Variants in PDE3A observed in about 807,000 individuals in gnomAD.
PDE3A encodes the protein cGMP-inhibited 3',5'-cyclic phosphodiesterase 3A.
Under a neutral mutation model 98.3 loss-of-function variants are expected in PDE3A, and 43 were observed. The observed-to-expected ratio is 0.44, with a 90% confidence interval of 0.34 to 0.56. PDE3A has a LOEUF of 0.56. PDE3A is among the 20% of genes least tolerant of loss of function. PDE3A has a pLI of 0.01. For synonymous variants in PDE3A, 663 were observed against 567.9 expected, an observed-to-expected ratio of 1.17 and a Z score of -2.38; for missense variants, 1,427 against 1,440.7, an observed-to-expected ratio of 0.99 and a Z score of 0.15.
chr12:20,386,731 T>C (rs1329236973), intron 1 of PDE3A, among the ~76,000 whole-genome samples: 1 of 152,030 alleles, frequency 6.6e-6, no homozygotes, highest in Non-Finnish European at 1.5e-5. Context: ...ATTCTATAGG[T>C]TGTTTGTTCA....
intron 1 of PDE3A, among the ~76,000 whole-genome samples, chr12:20,383,651 T>C (rs931929382): frequency 6.6e-6 from 1 of 152,018 alleles, no homozygotes; most frequent in Non-Finnish European, 1.5e-5. Context: ...AGTCTCAGTC[T>C]ACTCCTATTG....
At chr12:20,607,988 G>GA (rs1392213882) in intron 2 of PDE3A, among the ~76,000 whole-genome samples, 3 of 151,902 alleles carry the variant, frequency 2.0e-5, no homozygotes, top group Middle Eastern at 3.4e-3. Context: ...AATAGGCATG[G>GA]AAAAAACTTC....
At chr12:20,489,351 G>A (rs1565565596) in intron 1 of PDE3A, among the ~76,000 whole-genome samples, 1 of 152,214 alleles carries the variant, frequency 6.6e-6, no homozygotes, top group East Asian at 1.9e-4. Context: ...AGCCTGTCAG[G>A]CAGCCCCTGA....
At chr12:20,437,958 T>A (rs778547751) in intron 1 of PDE3A, among the ~76,000 whole-genome samples, 2 of 131,966 alleles carry the variant, frequency 1.5e-5, no homozygotes, top group Non-Finnish European at 3.4e-5. Context: ...CCTCTTTTTA[T>A]GTAAAGAAAA....
At chr12:20,617,475 T>G (rs1188247547) in intron 4 of PDE3A, among the ~76,000 whole-genome samples, 1 of 152,170 alleles carries the variant, frequency 6.6e-6, no homozygotes, top group Non-Finnish European at 1.5e-5. Context: ...GAAGAGATTA[T>G]GTAGTGTTTC....
chr12:20,415,401 C>T (rs368614994), intron 1 of PDE3A, among the ~76,000 whole-genome samples: 7 of 148,892 alleles, frequency 4.7e-5, no homozygotes, highest in Admixed American at 2.0e-4. Flanking sequence ...CTTTTATCTA[C>T]TTATTTATTT....
intron 2 of PDE3A, among the ~76,000 whole-genome samples, chr12:20,576,460 C>A (rs1033136498): frequency 2.6e-5 from 4 of 151,860 alleles, no homozygotes; most frequent in African/African-American, 9.7e-5. Flanking sequence ...TGTGAACATC[C>A]TGAAATAAAG....
chr12:20,488,120 C>T (rs1170519164), intron 1 of PDE3A, among the ~76,000 whole-genome samples: 1 of 152,054 alleles, frequency 6.6e-6, no homozygotes, highest in Non-Finnish European at 1.5e-5. Context: ...TCCTTGAGCT[C>T]TTTACTCTTG....
intron 1 of PDE3A, among the ~76,000 whole-genome samples, chr12:20,513,117 T>G (rs1047588705): frequency 6.6e-6 from 1 of 152,168 alleles, no homozygotes; most frequent in Non-Finnish European, 1.5e-5. Context: ...GAGCAGTGAT[T>G]CTCAGTCTTT....
intron 2 of PDE3A, among the ~76,000 whole-genome samples, chr12:20,609,034 T>A (rs1313260487): frequency 6.6e-6 from 1 of 152,028 alleles, no homozygotes; most frequent in Non-Finnish European, 1.5e-5. Flanking sequence ...AGAAGCATAA[T>A]GATTAGAGAT....
chr12:20,669,725 G>T (rs966493705), intron 15 of PDE3A, among the ~76,000 whole-genome samples: 4 of 152,062 alleles, frequency 2.6e-5, no homozygotes, highest in Non-Finnish European at 5.9e-5. Context: ...GGAACAACCA[G>T]TACCAGCTGC....
intron 1 of PDE3A, among the ~76,000 whole-genome samples, chr12:20,469,899 G>A (rs59843471): frequency 0.049 from 7,439 of 152,198 alleles, 214 homozygotes; most frequent in Middle Eastern, 0.065. Context: ...TCAGAATGAA[G>A]GCAGACAAAA....
At chr12:20,370,329 G>A (rs1943445121) in intron 1 of PDE3A, 85 bp downstream of exon 1, 1 of 1,151,012 alleles carries the variant, frequency 8.7e-7, no homozygotes, top group African/African-American at 1.5e-5. Flanking sequence ...CCGAGCGCTG[G>A]GAACTAAAGG....
At chr12:20,466,044 C>A (rs543695872) in intron 1 of PDE3A, among the ~76,000 whole-genome samples, 7 of 152,250 alleles carry the variant, frequency 4.6e-5, no homozygotes, top group African/African-American at 1.7e-4. Flanking sequence ...AACCTGACCC[C>A]CTGGCCCATT....
intron 1 of PDE3A, among the ~76,000 whole-genome samples, chr12:20,415,018 A>ATT (rs35087882): frequency 7.4e-4 from 111 of 149,968 alleles, no homozygotes; most frequent in Middle Eastern, 3.5e-3. Flanking sequence ...TTAATAGCAC[A>ATT]TTTTTTTTTT....
At chr12:20,658,162 T>C (rs1481533019) in intron 15 of PDE3A, among the ~76,000 whole-genome samples, 2 of 152,238 alleles carry the variant, frequency 1.3e-5, no homozygotes, top group East Asian at 3.8e-4. Context: ...TTATTGACTT[T>C]CATAGAAAGA....
At chr12:20,416,596 A>G (rs1944425535) in intron 1 of PDE3A, among the ~76,000 whole-genome samples, 1 of 152,216 alleles carries the variant, frequency 6.6e-6, no homozygotes, top group African/African-American at 2.4e-5. Context: ...CACACGTGCT[A>G]TATAAAACAT....
Position 20,369,368 on chromosome 12 carries a change from C to A in PDE3A, c.84C>A (p.Asp28Glu). The A allele has an allele frequency of 6.5e-7, 1 of 1,549,514 alleles. No homozygotes were observed. Among genetic ancestry groups the A allele is most frequent in the Non-Finnish European group, 8.7e-7 (1 of 1,147,028 alleles). ...GVSQAPTAGRDCHHRADPASP... is the reference protein window; with the variant it reads ...GVSQAPTAGRECHHRADPASP... Reference sequence around the variant, plus strand: ...GTCAAGCCCCCACGGCGGGCCGGGACTGCCACCATCGTGCGGACCCCGCAT... The same window carrying A: ...GTCAAGCCCCCACGGCGGGCCGGGAATGCCACCATCGTGCGGACCCCGCAT... Residue 28 changes from aspartate to glutamate, a missense_variant, in exon 1 of 16, where the codon GAC (aspartate) becomes GAA (glutamate). By Grantham distance (45) the Asp-to-Glu change is conservative. Coordinates refer to ENST00000359062, the MANE Select transcript of PDE3A (RefSeq NM_000921.5).
At chr12:20,443,462 ACTGT>A (rs1565550934) in intron 1 of PDE3A, among the ~76,000 whole-genome samples, 1 of 152,180 alleles carries the variant, frequency 6.6e-6, no homozygotes, top group African/African-American at 2.4e-5. Context: ...ATGAATGATG[ACTGT>A]CAGTGTGACT....
Sources: allele counts gnomAD v4.1 joint callset (sites outside exome capture counted in the v4.1 genomes callset), GRCh38; gene constraint gnomAD v4.1.1; transcripts MANE v1.5; gene names NCBI Gene and HGNC (gene_info 2026-07-23, HGNC 2026-07-21).